Variants in ITSN1 observed in about 807,000 individuals in gnomAD.
The protein encoded by ITSN1 is intersectin 1.
Under a neutral mutation model 239.8 loss-of-function variants are expected in ITSN1, and 58 were observed. That is an observed-to-expected ratio of 0.24 (90% CI 0.20 to 0.30). ITSN1 has a LOEUF of 0.30. ITSN1 is among the 10% of genes least tolerant of loss of function. The pLI is 1.00. For synonymous variants in ITSN1, 780 were observed against 770.8 expected (o/e 1.01, Z -0.20); for missense variants, 1,558 against 2,103.3 (o/e 0.74, Z 5.07).
chr21:33,677,814 T>C (rs1262410603), intron 1 of ITSN1, among the ~76,000 whole-genome samples: 2 of 152,226 alleles, frequency 1.3e-5, no homozygotes, highest in Non-Finnish European at 2.9e-5. Flanking sequence ...TTGTAGACTT[T>C]CTGTCCAGAA....
chr21:33,815,457 G>C (rs768605879), intron 22 of ITSN1, among the ~76,000 whole-genome samples: 6 of 152,138 alleles, frequency 3.9e-5, no homozygotes, highest in Non-Finnish European at 7.4e-5. Context: ...AAGTACCGTG[G>C]TCAGGGCAAA....
At chr21:33,645,274 G>T (rs2087831836) in intron 1 of ITSN1, among the ~76,000 whole-genome samples, 1 of 152,112 alleles carries the variant, frequency 6.6e-6, no homozygotes, top group African/African-American at 2.4e-5. Flanking sequence ...CTCCTGAATG[G>T]CTCCACTTAA....
In ITSN1 at chr21:33,885,095, G is replaced by C; in HGVS notation, c.4731G>C (p.Glu1577Asp). 6.2e-7 allele frequency: 1 copy of C among 1,614,136 alleles called. No individual in the cohort carries two copies. Among genetic ancestry groups the C allele is most frequent in the Non-Finnish European group, 8.5e-7 (1 of 1,179,984 alleles). Residue 1577 changes from glutamate (E) to aspartate (D), a missense_variant, in exon 37 of 40, where the codon GAG becomes GAC. Around this residue, in one of 2 missense-constraint regions of ITSN1, gnomAD observed 576 missense variants for 893.3 expected, o/e 0.64. Transcript: ENST00000381318. Reference protein sequence around the residue: ...KAASELYIETEKKKREKAYLV... With the variant: ...KAASELYIETDKKKREKAYLV... ...CTTCTGAACTCTACATAGAGACTGA[G>C]AAAAAGAAGCGCGAGAAAGCGTACC...
intron 12 of ITSN1, among the ~76,000 whole-genome samples, chr21:33,774,004 G>C (rs1278475086): frequency 6.6e-6 from 1 of 152,110 alleles, no homozygotes; most frequent in Non-Finnish European, 1.5e-5. Flanking sequence ...TGTTCAGACA[G>C]ACACTAACAA....
rs144091972 is a variant in ITSN1, at chr21:33,769,877, T to G, written c.1042+2049T>G. 3.1e-3 allele frequency among the ~76,000 whole-genome samples: 466 copies of G among 151,522 alleles called. 3 individuals are homozygous for G. Among genetic ancestry groups the G allele is most frequent in the African/African-American group, 0.011 (439 of 41,272 alleles). On this transcript the variant is annotated intron_variant, in intron 11 of 39. Transcript: ENST00000381318. ...CACCCAGCTAATTTTGTATTTTTAG[T>G]AGAGACGGAGGTTTCACCATGTTGG...
Position 33,794,478 on chromosome 21 carries a change from C to A in ITSN1, c.1952+10C>A. 6.2e-7 allele frequency: 1 copy of A among 1,607,348 alleles called. No individual in the cohort carries two copies. The highest frequency in any genetic ancestry group is 1.1e-5 in the South Asian group (1 of 89,550). Reference sequence around the variant, plus strand: ...AAGAAGAAGCCCAAAGGTGAGTCTTCTTTGGATTGTGGACTCATCTGGAAG... The same window carrying A: ...AAGAAGAAGCCCAAAGGTGAGTCTTATTTGGATTGTGGACTCATCTGGAAG... On this transcript the variant is annotated intron_variant, in intron 17 of 39. Coordinates refer to ENST00000381318, the MANE Select transcript of ITSN1 (RefSeq NM_003024.3).
At chr21:33,717,625 G>GCAA (rs2065232214) in intron 1 of ITSN1, among the ~76,000 whole-genome samples, 1 of 151,550 alleles carries the variant, frequency 6.6e-6, no homozygotes, top group African/African-American at 2.4e-5. Flanking sequence ...GTGCAATCTC[G>GCAA]GCTCACTGCA....
Position 33,810,228 on chromosome 21 carries a change from T to C in ITSN1, c.2320-747T>C, listed in dbSNP as rs544335205. On this transcript the variant is annotated intron_variant, in intron 20 of 39. Coordinates refer to ENST00000381318, the MANE Select transcript of ITSN1 (RefSeq NM_003024.3). ...TTGGATGATCCATTTGAGTCAGAAT[T>C]AAAATGCAAACCTTAAAAGCATTTG... is the stretch of plus-strand genomic sequence containing the variant. Among the ~76,000 whole-genome samples the C allele has an allele frequency of 2.0e-5, 3 of 152,352 alleles. No homozygotes were observed. The East Asian group carries it at 5.8e-4, about 29-fold the overall frequency.
intron 1 of ITSN1, among the ~76,000 whole-genome samples, chr21:33,688,362 G>C (rs1408555479): frequency 6.6e-6 from 1 of 152,192 alleles, no homozygotes; most frequent in Non-Finnish European, 1.5e-5. Context: ...ACTGTAGCAG[G>C]AATCTGAATA....
Position 33,797,444 on chromosome 21 carries a change from C to T in ITSN1, c.2018C>T (p.Pro673Leu), listed in dbSNP as rs1385104755. 6.2e-7 allele frequency: 1 copy of T among 1,613,846 alleles called. No individual in the cohort carries two copies. The highest frequency in any genetic ancestry group is 1.1e-5 in the South Asian group (1 of 91,078). Residue 673 changes from proline (P) to leucine (L), a missense_variant, in exon 18 of 40, where the codon CCA becomes CTA. Transcript: ENST00000381318. This position sits in a 1 kb window ranked among gnomAD's most constrained non-coding sequence, Gnocchi z 4.9. ...HVQQEDEHQR[P>L]RKLHEEEKLK... ...CAGCAGGAGGACGAGCATCAGAGACCAAGAAAACTCCACGAAGAGGAAAAA... is the reference window on the plus strand; with the variant it reads ...CAGCAGGAGGACGAGCATCAGAGACTAAGAAAACTCCACGAAGAGGAAAAA...
At chr21:33,669,560 C>T (rs531562471) in intron 1 of ITSN1, among the ~76,000 whole-genome samples, 186 of 152,210 alleles carry the variant, frequency 1.2e-3, no homozygotes, top group Non-Finnish European at 2.3e-3. Flanking sequence ...CTGCCTCAGC[C>T]GCCCGATTAG....
chr21:33,791,377 C>T (rs188999530), intron 16 of ITSN1, among the ~76,000 whole-genome samples: 11 of 152,290 alleles, frequency 7.2e-5, no homozygotes, highest in Admixed American at 6.5e-4. Context: ...AGCTCCATTC[C>T]TTGGAGGTGC....
At chr21:33,795,940 T>C (rs1324651277) in intron 17 of ITSN1, among the ~76,000 whole-genome samples, 1 of 144,662 alleles carries the variant, frequency 6.9e-6, no homozygotes, top group South Asian at 2.2e-4. Context: ...GTAGAAAATA[T>C]AAAGTAATTC....
chr21:33,871,663 C>T (rs1302874479), intron 33 of ITSN1, among the ~76,000 whole-genome samples: 1 of 151,962 alleles, frequency 6.6e-6, no homozygotes, highest in Admixed American at 6.6e-5. Flanking sequence ...ATTGCTTAAA[C>T]CCACGAGGTG....
At chr21:33,768,122 G>A (rs6517192) in intron 11 of ITSN1, among the ~76,000 whole-genome samples, 5,673 of 152,210 alleles carry the variant, frequency 0.037, 361 homozygotes, top group African/African-American at 0.13. Context: ...AGAATATACA[G>A]CACTAAAAAC....
chr21:33,726,433 G>A (rs1015002460), intron 4 of ITSN1, among the ~76,000 whole-genome samples: 14 of 151,946 alleles, frequency 9.2e-5, no homozygotes, highest in Admixed American at 8.5e-4. Context: ...TTGGTAGACG[G>A]AAGAATGGGT....
At chr21:33,830,898 G>A (rs890046406) in intron 27 of ITSN1, among the ~76,000 whole-genome samples, 5 of 150,726 alleles carry the variant, frequency 3.3e-5, no homozygotes, top group African/African-American at 9.8e-5. Flanking sequence ...AGAGAAGAGG[G>A]TGGGGGGGGA....
chr21:33,777,212 A>T (rs1238699241), intron 14 of ITSN1, among the ~76,000 whole-genome samples: 1 of 152,206 alleles, frequency 6.6e-6, no homozygotes, highest in African/African-American at 2.4e-5. Context: ...TTATAGCACC[A>T]TTTATTAAAA....
chr21:33,694,109 G>T (rs1488217680), intron 1 of ITSN1, among the ~76,000 whole-genome samples: 1 of 152,162 alleles, frequency 6.6e-6, no homozygotes, highest in African/African-American at 2.4e-5. Flanking sequence ...CAATTCCTGG[G>T]CTCAAGCGAT....
Sources: allele counts gnomAD v4.1 joint callset (sites outside exome capture counted in the v4.1 genomes callset), GRCh38; gene constraint gnomAD v4.1.1; regional missense constraint gnomAD v4.1.1; non-coding constraint Gnocchi (gnomAD v3.1); transcripts MANE v1.5; gene names NCBI Gene and HGNC (gene_info 2026-07-23, HGNC 2026-07-21).